The following NEGR1 variants were observed in gnomAD, a reference collection of about 807,000 sequenced individuals.
NEGR1 encodes IgLON family member 4.
NEGR1 carries 10 observed loss-of-function variants against 40.9 expected under a neutral mutation model. That is an observed-to-expected ratio of 0.24 (90% CI 0.15 to 0.42). The LOEUF (loss-of-function observed/expected upper bound fraction) is 0.42. NEGR1 is among the 10% of genes least tolerant of loss of function. NEGR1 has a pLI of 1.00. For missense variants in NEGR1, 352 were observed against 438.9 expected (o/e 0.80, Z 1.77); for synonymous variants, 185 against 166.8 (o/e 1.11, Z -0.84).
At chr1:71,519,744 AT>A (rs1647141695) in intron 6 of NEGR1, among the ~76,000 whole-genome samples, 7 of 143,786 alleles carry the variant, frequency 4.9e-5, no homozygotes, top group African/African-American at 5.3e-5. Context: ...AAAAAAAAAA[AT>A]TAAAAAAAAA....
intron 6 of NEGR1, among the ~76,000 whole-genome samples, chr1:71,448,380 A>T (rs545193222): frequency 6.6e-6 from 1 of 152,134 alleles, no homozygotes; most frequent in South Asian, 2.1e-4. Context: ...GGGTGGATCA[A>T]TTGAGGTCAG....
intron 6 of NEGR1, among the ~76,000 whole-genome samples, chr1:71,465,344 A>T (rs903429450): frequency 2.0e-5 from 3 of 152,018 alleles, no homozygotes; most frequent in African/African-American, 7.2e-5. Context: ...TGCTAACTTG[A>T]TTCTAAGTTA....
intron 2 of NEGR1, among the ~76,000 whole-genome samples, chr1:71,870,428 G>T (rs17091871): frequency 0.12 from 18,481 of 152,048 alleles, 1,208 homozygotes; most frequent in African/African-American, 0.15. Flanking sequence ...CCTGGATATT[G>T]ATGAAGTAAC....
intron 1 of NEGR1, among the ~76,000 whole-genome samples, chr1:72,134,945 C>A (rs1370595757): frequency 6.6e-6 from 1 of 151,088 alleles, no homozygotes; most frequent in African/African-American, 2.4e-5. Flanking sequence ...CCATGTTGGT[C>A]AGGCTAGTCT....
chr1:72,133,183 G>A (rs1650322407), intron 1 of NEGR1, among the ~76,000 whole-genome samples: 1 of 151,996 alleles, frequency 6.6e-6, no homozygotes, highest in African/African-American at 2.4e-5. Context: ...TGGTACTGAT[G>A]TAATATATGT....
intron 1 of NEGR1, among the ~76,000 whole-genome samples, chr1:71,956,111 A>C (rs1490059402): frequency 1.3e-5 from 2 of 152,160 alleles, no homozygotes; most frequent in East Asian, 3.8e-4. Flanking sequence ...ACCATATGCT[A>C]TTCCAACAAA....
intron 3 of NEGR1, among the ~76,000 whole-genome samples, chr1:71,759,596 CTTTTTTT>C (rs71074804): frequency 9.4e-5 from 3 of 31,964 alleles, no homozygotes; most frequent in African/African-American, 2.8e-4. Flanking sequence ...TGCGTCCAGG[CTTTTTTT>C]TTTTTTTTTT....
chr1:71,499,080 T>C (rs929985562), intron 6 of NEGR1, among the ~76,000 whole-genome samples: 3 of 152,204 alleles, frequency 2.0e-5, no homozygotes, highest in Non-Finnish European at 2.9e-5. Flanking sequence ...TTCTCTCTTT[T>C]TAAAAAATTT....
chr1:72,189,207 A>C (rs546144483), intron 1 of NEGR1, among the ~76,000 whole-genome samples: 2 of 151,414 alleles, frequency 1.3e-5, no homozygotes, highest in African/African-American at 4.8e-5. Flanking sequence ...TTTTTGAGCT[A>C]TGTACTCATT....
In NEGR1 at chr1:72,220,841, C is replaced by T. The variant is rs1653988261; in HGVS notation, c.176+61478G>A. Among the ~76,000 whole-genome samples the T allele has an allele frequency of 2.7e-5, 4 of 150,554 alleles. No homozygotes were observed. The South Asian group carries it at 8.4e-4, about 31-fold the overall frequency. Reference sequence around the variant, plus strand: ...AGAATAAGCTTAATTTGTTATAGCACTTCATTGTAAAAAGAATTTTTCTTA... The same window carrying T: ...AGAATAAGCTTAATTTGTTATAGCATTTCATTGTAAAAAGAATTTTTCTTA... On this transcript the variant is annotated intron_variant, in intron 1 of 6. Transcript: ENST00000357731.
intron 2 of NEGR1, among the ~76,000 whole-genome samples, chr1:71,901,532 T>C (rs2101863689): frequency 6.6e-6 from 1 of 152,154 alleles, no homozygotes; most frequent in Admixed American, 6.6e-5. Flanking sequence ...AGGGTGTAGG[T>C]AATTGGCTTA....
intron 6 of NEGR1, among the ~76,000 whole-genome samples, chr1:71,562,990 A>G (rs989474247): frequency 1.3e-5 from 2 of 151,972 alleles, no homozygotes; most frequent in African/African-American, 4.8e-5. Flanking sequence ...CATTGGCCAA[A>G]GCAAGTCACA....
intron 3 of NEGR1, among the ~76,000 whole-genome samples, chr1:71,763,408 CTG>C (rs1243142314): frequency 2.6e-5 from 4 of 152,170 alleles, no homozygotes; most frequent in African/African-American, 9.7e-5. Context: ...TTGGGAAAAA[CTG>C]GGTGAAGAGT....
At chr1:71,750,802 A>G (rs1256850280) in intron 3 of NEGR1, among the ~76,000 whole-genome samples, 4 of 152,026 alleles carry the variant, frequency 2.6e-5, no homozygotes, top group Non-Finnish European at 5.9e-5. Flanking sequence ...AAGCTTTTTT[A>G]TTTTTTATTT....
chr1:71,603,755 T>C (rs532399766), intron 5 of NEGR1, among the ~76,000 whole-genome samples: 1 of 152,198 alleles, frequency 6.6e-6, no homozygotes, highest in Non-Finnish European at 1.5e-5. Context: ...ATTTGTATTG[T>C]ATTCTTATCT....
At chr1:71,937,895 G>C (rs1035446445) in intron 1 of NEGR1, among the ~76,000 whole-genome samples, 3 of 152,002 alleles carry the variant, frequency 2.0e-5, no homozygotes, top group Non-Finnish European at 4.4e-5. Flanking sequence ...CTTTATTTGG[G>C]GGGTATTAGG....
intron 1 of NEGR1, among the ~76,000 whole-genome samples, chr1:72,007,887 A>C (rs1646621743): frequency 6.6e-6 from 1 of 152,180 alleles, no homozygotes; most frequent in Admixed American, 6.6e-5. Context: ...CAAAGAAAAT[A>C]TGTCAAGTTA....
chr1:71,994,396 T>C (rs1646483979), intron 1 of NEGR1, among the ~76,000 whole-genome samples: 1 of 151,760 alleles, frequency 6.6e-6, no homozygotes, highest in Non-Finnish European at 1.5e-5. Flanking sequence ...GGCGTGGTGG[T>C]GGGCGCCTGT....
intron 1 of NEGR1, among the ~76,000 whole-genome samples, chr1:72,088,796 C>CTTTTTTTTTTTTTTTTTTTTTTTTTTT (rs71074816): frequency 6.7e-5 from 5 of 74,904 alleles, no homozygotes; most frequent in Non-Finnish European, 1.3e-4. Context: ...CTCTCTCTCT[C>CTTTTTTTTTTTTTTTTTTTTTTTTTTT]TTTTTTTTTT....
Sources: gnomAD v4.1 joint callset for allele counts (sites outside exome capture counted in the v4.1 genomes callset) on GRCh38, gnomAD v4.1.1 for gene constraint, MANE v1.5 for transcripts, NCBI Gene and HGNC (gene_info 2026-07-23, HGNC 2026-07-21) for gene names.